PTPRN2: variants seen among roughly 807,000 people sequenced by gnomAD.
PTPRN2 encodes the protein protein tyrosine phosphatase receptor type N2, also known as receptor-type tyrosine-protein phosphatase N2.
A neutral mutation model predicts 118.8 loss-of-function variants in PTPRN2; 74 were observed. The ratio of observed to expected loss-of-function variants is 0.62; its 90% CI spans 0.52 to 0.76. The LOEUF is 0.76. Among genes scored for constraint, PTPRN2 ranks in the 30% least tolerant of loss-of-function variants. The pLI, the probability that PTPRN2 is intolerant of heterozygous loss-of-function variation, is 0.00. For synonymous variants in PTPRN2, 641 were observed against 608.0 expected, an observed-to-expected ratio of 1.05 and a Z score of -0.80; for missense variants, 1,481 against 1,394.4, an observed-to-expected ratio of 1.06 and a Z score of -0.99.
At chr7:158,416,512 C>T (rs117528447) in intron 2 of PTPRN2, among the ~76,000 whole-genome samples, 3,541 of 152,338 alleles carry the variant, frequency 0.023, 61 homozygotes, top group Non-Finnish European at 0.033. Flanking sequence ...CTCAGCTCAG[C>T]ACAGACAGCA....
intron 12 of PTPRN2, among the ~76,000 whole-genome samples, chr7:157,743,288 G>C (rs1800739885): frequency 6.6e-6 from 1 of 152,188 alleles, no homozygotes; most frequent in Non-Finnish European, 1.5e-5. Flanking sequence ...GCCTTCCACA[G>C]CGAGGTCTGG....
At chr7:158,227,222 T>C (rs1828852353) in intron 3 of PTPRN2, among the ~76,000 whole-genome samples, 1 of 151,794 alleles carries the variant, frequency 6.6e-6, no homozygotes, top group East Asian at 1.9e-4. Context: ...AGAAAAACAA[T>C]AAAAAAGAGG....
Position 157,883,294 on chromosome 7 carries a change from AC to A in PTPRN2, c.1788+15378del, listed in dbSNP as rs142188847. Among the ~76,000 whole-genome samples the A allele has an allele frequency of 6.7e-3, 971 of 144,580 alleles. 12 individuals carry two copies. The highest frequency in any genetic ancestry group is 0.024 in the African/African-American group (921 of 38,574). The allele number at this position is 144,580 out of a possible 152,430, so 94.9% of individuals were successfully genotyped here. ...TGACTGTCAGAGAACAGAACACACC[AC>A]CCCAAAATGATTGTTGGAGATCAGA... On this transcript the variant is annotated intron_variant, in intron 12 of 22. Transcript: ENST00000389418.
intron 12 of PTPRN2, among the ~76,000 whole-genome samples, chr7:157,752,984 G>A (rs1801570775): frequency 6.6e-6 from 1 of 152,260 alleles, no homozygotes; most frequent in African/African-American, 2.4e-5. Context: ...GCCATGGCCG[G>A]CAGTGCTGAT....
chr7:158,366,735 T>C (rs1014445839), intron 2 of PTPRN2, among the ~76,000 whole-genome samples: 8 of 152,214 alleles, frequency 5.3e-5, no homozygotes, highest in Non-Finnish European at 1.0e-4. Flanking sequence ...CAGTCGCCAT[T>C]GACGGCCAGG....
At chr7:157,670,263 G>A (rs1474410018) in intron 13 of PTPRN2, among the ~76,000 whole-genome samples, 1 of 152,174 alleles carries the variant, frequency 6.6e-6, no homozygotes, top group Non-Finnish European at 1.5e-5. Flanking sequence ...GGGACCCGCG[G>A]TCAGCTGCAT....
intron 11 of PTPRN2, among the ~76,000 whole-genome samples, chr7:157,983,970 C>T (rs984498578): frequency 1.3e-5 from 2 of 152,072 alleles, no homozygotes; most frequent in African/African-American, 4.8e-5. Flanking sequence ...GAGGAGGAGC[C>T]GGCTCACCCA....
chr7:157,795,300 G>C (rs147011898), intron 12 of PTPRN2, among the ~76,000 whole-genome samples: 1 of 152,194 alleles, frequency 6.6e-6, no homozygotes, highest in South Asian at 2.1e-4. Flanking sequence ...CAAACTAAAA[G>C]CCCCTCACCT....
chr7:158,283,003 G>A (rs755165144), intron 3 of PTPRN2, among the ~76,000 whole-genome samples: 55 of 130,600 alleles, frequency 4.2e-4, no homozygotes, highest in African/African-American at 1.3e-3. Flanking sequence ...GCTCCCACAC[G>A]CACAGCAGCC....
chr7:157,937,141 T>G (rs1247501882), intron 11 of PTPRN2, among the ~76,000 whole-genome samples: 1 of 152,182 alleles, frequency 6.6e-6, no homozygotes, highest in Admixed American at 6.5e-5. Context: ...TGACAATATC[T>G]TTATGCTCCT....
chr7:157,577,075 G>A (rs773233262), intron 18 of PTPRN2, among the ~76,000 whole-genome samples: 1 of 152,156 alleles, frequency 6.6e-6, no homozygotes, highest in Non-Finnish European at 1.5e-5. Flanking sequence ...TCTGTCTTTT[G>A]CATGTCCATG....
chr7:158,428,053 G>A (rs969132852), intron 2 of PTPRN2, among the ~76,000 whole-genome samples: 9 of 152,086 alleles, frequency 5.9e-5, no homozygotes, highest in African/African-American at 2.2e-4. Flanking sequence ...ACCTAACTCC[G>A]CCGAGGACTT....
intron 2 of PTPRN2, among the ~76,000 whole-genome samples, chr7:158,341,645 C>A (rs560016597): frequency 1.3e-5 from 1 of 78,604 alleles, no homozygotes; most frequent in South Asian, 4.4e-4. Context: ...CACATGCAGA[C>A]GTCACTCACA....
At chr7:157,936,024 C>T (rs944597189) in intron 11 of PTPRN2, among the ~76,000 whole-genome samples, 3 of 152,210 alleles carry the variant, frequency 2.0e-5, no homozygotes, top group African/African-American at 7.2e-5. Flanking sequence ...CTGTGTCGCT[C>T]CCTCAGGGGG....
At chr7:157,563,397 G>A (rs779921892) in intron 21 of PTPRN2, among the ~76,000 whole-genome samples, 391 of 924 alleles carry the variant, frequency 0.42, 137 homozygotes, top group African/African-American at 0.52. Context: ...ACGTGGTCCC[G>A]CATCACCACA....
intron 11 of PTPRN2, among the ~76,000 whole-genome samples, chr7:158,078,283 G>A (rs1812530713): frequency 6.6e-6 from 1 of 152,210 alleles, no homozygotes; most frequent in South Asian, 2.1e-4. Flanking sequence ...AGGTCCTCAG[G>A]CCCTTGAGGG....
intron 6 of PTPRN2, among the ~76,000 whole-genome samples, chr7:158,145,474 T>C (rs1198491984): frequency 6.6e-6 from 1 of 152,190 alleles, no homozygotes; most frequent in Non-Finnish European, 1.5e-5. Context: ...CAGCTGGGAA[T>C]GTAGAGTTTG....
intron 3 of PTPRN2, among the ~76,000 whole-genome samples, chr7:158,262,508 GCA>G (rs10694811): frequency 1.4e-5 from 2 of 143,284 alleles, no homozygotes; most frequent in African/African-American, 2.7e-5. Flanking sequence ...CACACACACT[GCA>G]CACACATTCA....
At chr7:158,047,518 G>A (rs542443601) in intron 11 of PTPRN2, among the ~76,000 whole-genome samples, 21 of 152,218 alleles carry the variant, frequency 1.4e-4, no homozygotes, top group South Asian at 6.2e-4. Flanking sequence ...TGTGAGGGCT[G>A]CCTGCAGTCA....
Sources: gnomAD v4.1 joint callset for allele counts (sites outside exome capture counted in the v4.1 genomes callset) on GRCh38, gnomAD v4.1.1 for gene constraint, MANE v1.5 for transcripts, NCBI Gene and HGNC (gene_info 2026-07-23, HGNC 2026-07-21) for gene names.